BIRC6: variants seen among roughly 807,000 people sequenced by gnomAD.
BIRC6 encodes the protein baculoviral IAP repeat containing 6.
Under a neutral mutation model 503.3 loss-of-function variants are expected in BIRC6, and 98 were observed. The observed-to-expected ratio is 0.19, with a 90% CI of 0.17 to 0.23. The LOEUF (loss-of-function observed/expected upper bound fraction) is 0.23. BIRC6 is among the 10% of genes least tolerant of loss of function. BIRC6 has a pLI of 1.00. For synonymous variants in BIRC6, 2,240 were observed against 2,078.7 expected (o/e 1.08, Z -2.11); for missense variants, 5,360 against 5,806.0 (o/e 0.92, Z 2.50).
intron 32 of BIRC6, among the ~76,000 whole-genome samples, chr2:32,472,051 C>G (rs1419556172): frequency 1.3e-5 from 2 of 152,146 alleles, no homozygotes; most frequent in Non-Finnish European, 2.9e-5. Flanking sequence ...GTAAGAAATA[C>G]AATTAACATA....
In BIRC6 at chr2:32,502,866, T is replaced by C. The variant is rs776263374; in HGVS notation, c.9279T>C (p.Asp3093=). Residue 3093 remains aspartate (D), a synonymous_variant, in exon 48 of 74, where the codon GAT becomes GAC. Coordinates refer to ENST00000421745, the MANE Select transcript of BIRC6 (RefSeq NM_016252.4). The part of the protein sequence containing the change: ...WFILRVLDTS[D]ALKAFHDMGG... ...TTTTGAGAGTATTGGATACTAGTGATGCCTTGAAAGCATTTCATGATATGG... is the reference window on the plus strand; with the variant it reads ...TTTTGAGAGTATTGGATACTAGTGACGCCTTGAAAGCATTTCATGATATGG... The C allele has an allele frequency of 1.2e-6, 2 of 1,612,250 alleles. No individual in the cohort carries two copies. The highest frequency in any genetic ancestry group is 8.5e-7 in the Non-Finnish European group (1 of 1,179,078).
rs145566672 is a variant in BIRC6 at position 32,566,619 on chromosome 2, C to G, written c.13145-8537C>G. On this transcript the variant is annotated intron_variant, in intron 65 of 73. Coordinates refer to ENST00000421745, the MANE Select transcript of BIRC6 (RefSeq NM_016252.4). ...TGCTTCTGCCCCAGCCTTCCAAATC[C>G]TGGGATTATAGGCATGAGCCACTGC... 3.1e-3 allele frequency among the ~76,000 whole-genome samples: 477 copies of G among 152,248 alleles called. 4 individuals carry two copies. Among genetic ancestry groups the G allele is most frequent in the African/African-American group, 0.011 (462 of 41,548 alleles).
chr2:32,369,986 GTA>G (rs1381615576), intron 1 of BIRC6, among the ~76,000 whole-genome samples: 3 of 34,058 alleles, frequency 8.8e-5, no homozygotes, highest in African/African-American at 2.3e-4. Context: ...ATATATATAT[GTA>G]TGTATGTATG....
chr2:32,504,908 ATTAATT>A, intron 49 of BIRC6, 91 bp from the exon 50 acceptor site: 1 of 1,121,122 alleles, frequency 8.9e-7, no homozygotes, highest in South Asian at 1.5e-5. Flanking sequence ...CATGTTTTCA[ATTAATT>A]TTTCTAGTTT....
chr2:32,613,120 C>A (rs1337337138), intron 73 of BIRC6, among the ~76,000 whole-genome samples: 1 of 151,830 alleles, frequency 6.6e-6, no homozygotes, highest in Non-Finnish European at 1.5e-5. Context: ...CTTTTCAGCT[C>A]TTCTGCTTGC....
At chr2:32,549,031 G>A (rs2058255525) in intron 64 of BIRC6, 1 of 209,090 alleles carries the variant, frequency 4.8e-6, no homozygotes, top group Admixed American at 5.9e-5. Context: ...AATAAAATAT[G>A]TAAATAATAC....
chr2:32,597,822 C>G lies in BIRC6; in HGVS notation c.13684C>G (p.Gln4562Glu). The change falls in exon 69 of 74, where the codon CAG becomes GAG. Residue 4562 changes from glutamine to glutamate, a missense_variant. Around this residue, in one of 16 missense-constraint regions of BIRC6, gnomAD observed 477 missense variants for 574.4 expected, o/e 0.83. Coordinates refer to ENST00000421745, the MANE Select transcript of BIRC6 (RefSeq NM_016252.4). ...GFKVNYHYMS[Q>E]VKNANDANSA... ...TAAAGTAAATTACCACTACATGTCT[C>G]AGGTGAAAAATGCTAATGATGCGAA... 3 of 1,613,784 alleles carry G rather than the reference C, an allele frequency of 1.9e-6. No individual in the cohort carries two copies. Among genetic ancestry groups the G allele is most frequent in the African/African-American group, 2.7e-5 (2 of 75,036 alleles).
intron 54 of BIRC6, 56 bp from the exon 55 acceptor site, chr2:32,514,934 A>G: frequency 2.2e-6 from 3 of 1,351,052 alleles, no homozygotes; most frequent in Non-Finnish European, 3.1e-6. Context: ...AATATTTGAA[A>G]TAGTTTCTTC....
Position 32,401,372 on chromosome 2 carries a change from C to G in BIRC6, c.1244C>G (p.Ser415Cys). 6.2e-7 allele frequency: 1 copy of G among 1,613,916 alleles called. No individual in the cohort carries two copies. The highest frequency in any genetic ancestry group is 8.5e-7 in the Non-Finnish European group (1 of 1,179,856). ...GGAAAGATCTGCATATGGGATGTTT[C>G]CAAACTTATGAAGGTATGTTTGAAT... Reference protein sequence around the residue: ...KRGKICIWDVSKLMKVHLKFE... With the variant: ...KRGKICIWDVCKLMKVHLKFE... The change falls in exon 7 of 74, where the codon TCC becomes TGC. Residue 415 changes from serine (S) to cysteine (C), a missense_variant. Around this residue, in one of 16 missense-constraint regions of BIRC6, gnomAD observed 700 missense variants for 739.3 expected, o/e 0.95. Transcript: ENST00000421745.
In BIRC6 at chr2:32,515,676, C is replaced by T. The variant is rs757742725; in HGVS notation, c.11255C>T (p.Thr3752Ile). ...TCTTCAGCTGCTACAACAGGACTGA[C>T]TACTCAACAGCGCACAGCAATTGAG... is the stretch of plus-strand genomic sequence containing the variant. ...SLSSAATTGLTTQQRTAIENA... is the reference protein window; with the variant it reads ...SLSSAATTGLITQQRTAIENA... Residue 3752 changes from threonine (T) to isoleucine (I), a missense_variant, in exon 55 of 74, where the codon ACT (threonine) becomes ATT (isoleucine). Thr to Ile is a moderately conservative substitution (Grantham distance 89). This residue lies in a region of BIRC6 where 878 missense variants were observed against 928.9 expected (regional missense o/e 0.95). Coordinates refer to ENST00000421745, the MANE Select transcript of BIRC6 (RefSeq NM_016252.4). 1.8e-5 allele frequency: 29 copies of T among 1,607,524 alleles called. No individual in the cohort carries two copies. Among genetic ancestry groups the T allele is most frequent in the Non-Finnish European group, 2.4e-5 (28 of 1,179,858 alleles).
Position 32,515,442 on chromosome 2 carries a change from A to G in BIRC6, c.11021A>G (p.Asn3674Ser). The G allele has an allele frequency of 6.2e-7, 1 of 1,613,242 alleles. No homozygotes were observed. Among genetic ancestry groups the G allele is most frequent in the Non-Finnish European group, 8.5e-7 (1 of 1,179,852 alleles). The change falls in exon 55 of 74, where the codon AAT (asparagine) becomes AGT (serine). Residue 3674 changes from asparagine to serine, a missense_variant. Coordinates refer to ENST00000421745, the MANE Select transcript of BIRC6 (RefSeq NM_016252.4). ...LRRHHVPQQC[N>S]KMPITADLVA... ...CGCCATCATGTCCCACAACAATGTAATAAGATGCCTATCACAGCCGACCTA... is the reference window on the plus strand; with the variant it reads ...CGCCATCATGTCCCACAACAATGTAGTAAGATGCCTATCACAGCCGACCTA...
At chr2:32,438,558 C>CTT (rs1242771915) in intron 15 of BIRC6, among the ~76,000 whole-genome samples, 82 of 126,944 alleles carry the variant, frequency 6.5e-4, no homozygotes, top group African/African-American at 1.1e-3. Flanking sequence ...TTTGAGTGTT[C>CTT]TTTTTTTTTT....
intron 66 of BIRC6, among the ~76,000 whole-genome samples, chr2:32,577,220 G>T (rs1326417191): frequency 1.3e-5 from 2 of 152,062 alleles, no homozygotes; most frequent in Admixed American, 1.3e-4. Context: ...ATAGTTTTCA[G>T]TATATCAATA....
At chr2:32,591,050 C>T (rs2061355104) in intron 66 of BIRC6, 1 of 871,196 alleles carries the variant, frequency 1.1e-6, no homozygotes, top group Non-Finnish European at 1.4e-6. Context: ...AGAAAAGAGA[C>T]TACTGGCTAT....
At position 32,514,982 on chromosome 2, in the gene BIRC6, T is replaced by C. The variant is rs1383159762; in HGVS notation, c.10569-8T>C. 6.3e-7 allele frequency: 1 copy of C among 1,591,988 alleles called. No homozygotes were observed. The highest frequency in any genetic ancestry group is 8.6e-7 in the Non-Finnish European group (1 of 1,164,930). Reference sequence around the variant, plus strand: ...TGTATCATTAATATGATATCTTTTATTTTTTAGGTTACTTTTTAATTGGTC... The same window carrying C: ...TGTATCATTAATATGATATCTTTTACTTTTTAGGTTACTTTTTAATTGGTC... On this transcript the variant is annotated splice_region_variant and splice_polypyrimidine_tract_variant and intron_variant, in intron 54 of 73. Coordinates refer to ENST00000421745, the MANE Select transcript of BIRC6 (RefSeq NM_016252.4).
chr2:32,518,159 A>G (rs2055262055), intron 55 of BIRC6, 95 bp from the exon 56 acceptor site: 1 of 1,205,374 alleles, frequency 8.3e-7, no homozygotes, highest in South Asian at 1.4e-5. Flanking sequence ...TGTTAAAATA[A>G]ACTTATTCAT....
At chr2:32,384,112 T>G (rs1171136576) in intron 3 of BIRC6, among the ~76,000 whole-genome samples, 1 of 152,222 alleles carries the variant, frequency 6.6e-6, no homozygotes, top group Non-Finnish European at 1.5e-5. Context: ...CATTCCTCCC[T>G]TGGGAGTAAG....
intron 1 of BIRC6, among the ~76,000 whole-genome samples, chr2:32,376,715 C>T (rs1427028901): frequency 2.0e-5 from 3 of 151,852 alleles, no homozygotes; most frequent in Admixed American, 2.0e-4. Flanking sequence ...TTGTATGGTT[C>T]GAGGGTTAGC....
At chr2:32,424,066 A>T (rs1049942985) in intron 10 of BIRC6, among the ~76,000 whole-genome samples, 2 of 152,180 alleles carry the variant, frequency 1.3e-5, no homozygotes, top group African/African-American at 4.8e-5. Flanking sequence ...AAAAGGCGAA[A>T]TTTTTGACTT....
Sources: allele counts gnomAD v4.1 joint callset (sites outside exome capture counted in the v4.1 genomes callset), GRCh38; gene constraint gnomAD v4.1.1; regional missense constraint gnomAD v4.1.1; transcripts MANE v1.5; gene names NCBI Gene and HGNC (gene_info 2026-07-23, HGNC 2026-07-21).